The following SNRPB2 variants were observed in gnomAD, a reference collection of about 807,000 sequenced individuals.
SNRPB2 encodes the protein U2 small nuclear ribonucleoprotein B''.
In SNRPB2, 16 loss-of-function variants were observed where a neutral mutation model predicts 26.3. The ratio of observed to expected loss-of-function variants is 0.61; its 90% CI spans 0.41 to 0.92. The LOEUF (loss-of-function observed/expected upper bound fraction) is 0.92. Among genes scored for constraint, SNRPB2 ranks in the 40% least tolerant of loss-of-function variants. The pLI, the probability that SNRPB2 is intolerant of heterozygous loss-of-function variation, is 0.00. For synonymous variants in SNRPB2, 75 were observed against 89.0 expected (o/e 0.84, Z 0.88); for missense variants, 179 against 268.1 (o/e 0.67, Z 2.32).
In SNRPB2 at chr20:16,742,103, A is replaced by G. The variant is rs1194596603; in HGVS notation, c.*1098A>G. 1 of 152,248 alleles carries G rather than the reference A, an allele frequency of 6.6e-6. No individual in the cohort carries two copies. Among genetic ancestry groups the G allele is most frequent in the East Asian group, 1.9e-4 (1 of 5,202 alleles). 9.4% of individuals were successfully genotyped at this position (152,248 alleles called of 1,614,324 possible). On this transcript the variant is annotated 3_prime_UTR_variant, in exon 7 of 7. Transcript: ENST00000246071. ...AGTATCACATCACTCTTATGCATAC[A>G]TAAAGAGGAAAAAAATGTTTCCTAT...
intron 4 of SNRPB2, 50 bp from the exon 5 acceptor site, chr20:16,738,802 C>A: frequency 3.0e-6 from 3 of 986,042 alleles, no homozygotes; most frequent in Non-Finnish European, 4.9e-6. Flanking sequence ...ATACCTGCTG[C>A]GTTTTTGGAG....
rs1157610745 is a variant in SNRPB2 at position 16,731,655 on chromosome 20, CT to C, written c.-35-8del. The C allele has an allele frequency of 1.9e-6, 3 of 1,605,072 alleles. No individual in the cohort carries two copies. The highest frequency in any genetic ancestry group is 2.2e-5 in the East Asian group (1 of 44,664). On this transcript the variant is annotated splice_polypyrimidine_tract_variant and intron_variant, in intron 1 of 6. Coordinates refer to ENST00000246071, the MANE Select transcript of SNRPB2 (RefSeq NM_003092.5). ...ACAGTCCAGTATAATTTACTCCTTC[CT>C]TTTTATAACAGATTTTTTACTGTCT... is the stretch of plus-strand genomic sequence containing the variant.
chr20:16,738,533 A>T (rs531619626), intron 4 of SNRPB2, among the ~76,000 whole-genome samples: 1 of 151,888 alleles, frequency 6.6e-6, no homozygotes, highest in African/African-American at 2.4e-5. Flanking sequence ...TAAATGACTT[A>T]TGTCCAGTTG....
At chr20:16,735,023 A>T (rs946931116) in intron 3 of SNRPB2, among the ~76,000 whole-genome samples, 4 of 152,162 alleles carry the variant, frequency 2.6e-5, no homozygotes, top group African/African-American at 9.7e-5. Context: ...GCATGCAGGG[A>T]TAAGCACACT....
At chr20:16,735,940 A>T (rs2072423391) in intron 3 of SNRPB2, among the ~76,000 whole-genome samples, 1 of 152,226 alleles carries the variant, frequency 6.6e-6, no homozygotes, top group Non-Finnish European at 1.5e-5. Context: ...GCTGCGACAC[A>T]TGTCAATGCT....
At position 16,731,714 on chromosome 20, in the gene SNRPB2, AC is replaced by A; in HGVS notation, c.14del (p.Pro5GlnfsTer10). 1 of 1,612,206 alleles carries A rather than the reference AC, an allele frequency of 6.2e-7. No individual in the cohort carries two copies. Among genetic ancestry groups the A allele is most frequent in the South Asian group, 1.1e-5 (1 of 90,928 alleles). MDIR[P>X]NHTIYINNMN... ...AATTTAACACAAACATGGATATCAG[AC>A]CAAATCATACAATTTATATCAACAA... On this transcript the variant is annotated frameshift_variant, in exon 2 of 7. Transcript: ENST00000246071. LOFTEE classifies it high-confidence loss of function.
chr20:16,731,538 C>A, intron 1 of SNRPB2, 130 bp from the exon 2 acceptor site: 1 of 869,222 alleles, frequency 1.2e-6, no homozygotes, highest in Non-Finnish European at 1.7e-6. Flanking sequence ...GCTGGAGATA[C>A]AATAAAGGCT....
At chr20:16,734,628 G>T (rs1161839807) in intron 3 of SNRPB2, among the ~76,000 whole-genome samples, 1 of 152,190 alleles carries the variant, frequency 6.6e-6, no homozygotes, top group African/African-American at 2.4e-5. Flanking sequence ...TTTGAAATGA[G>T]TGAGTCTTTG....
chr20:16,737,435 GGT>G (rs774554933), intron 4 of SNRPB2, 34 bp downstream of exon 4: 1 of 1,557,602 alleles, frequency 6.4e-7, no homozygotes, highest in Admixed American at 2.2e-5. Context: ...TGTTTGTATT[GGT>G]GTTAAAAACT....
chr20:16,737,034 A>T (rs78041430), intron 3 of SNRPB2, among the ~76,000 whole-genome samples: 1 of 152,212 alleles, frequency 6.6e-6, no homozygotes, highest in Non-Finnish European at 1.5e-5. Flanking sequence ...ATGAAAATAT[A>T]TGTTTTTTTA....
rs912092660 is a variant in SNRPB2 at position 16,741,018 on chromosome 20, T to C, written c.*13T>C. The C allele has an allele frequency of 6.3e-7, 1 of 1,583,690 alleles. No individual in the cohort carries two copies. The highest frequency in any genetic ancestry group is 8.6e-7 in the Non-Finnish European group (1 of 1,158,068). On this transcript the variant is annotated 3_prime_UTR_variant, in exon 7 of 7. Coordinates refer to ENST00000246071, the MANE Select transcript of SNRPB2 (RefSeq NM_003092.5). ...TGCCAAGAAATAACATTTGGGATAG[T>C]CGTCTTTAAAAGACTTGGTGTTATT... is the stretch of plus-strand genomic sequence containing the variant.
intron 3 of SNRPB2, among the ~76,000 whole-genome samples, chr20:16,734,138 T>C (rs977337563): frequency 6.6e-6 from 1 of 152,238 alleles, no homozygotes; most frequent in Admixed American, 6.5e-5. Flanking sequence ...GGAAATTGTT[T>C]GCTGTGTTGG....
At chr20:16,736,649 G>A (rs749375379) in intron 3 of SNRPB2, among the ~76,000 whole-genome samples, 13 of 152,126 alleles carry the variant, frequency 8.5e-5, no homozygotes, top group Non-Finnish European at 1.6e-4. Context: ...CTAGAATGGC[G>A]ATTTTCTTTA....
At chr20:16,738,005 C>G (rs188296298) in intron 4 of SNRPB2, among the ~76,000 whole-genome samples, 191 of 146,396 alleles carry the variant, frequency 1.3e-3, no homozygotes, top group African/African-American at 4.6e-3. Context: ...TGCCACTGAA[C>G]TCCAGCCTGG....
intron 4 of SNRPB2, among the ~76,000 whole-genome samples, chr20:16,737,964 G>C (rs2072438192): frequency 6.6e-6 from 1 of 151,204 alleles, no homozygotes; most frequent in Non-Finnish European, 1.5e-5. Context: ...GCATGAACCT[G>C]GGAGGTGGAG....
chr20:16,740,197 G>A, intron 5 of SNRPB2, 128 bp from the exon 6 acceptor site: 1 of 1,474,842 alleles, frequency 6.8e-7, no homozygotes. Context: ...GTTACTGTAA[G>A]GTTTTGATTT....
At chr20:16,730,812 A>G (rs996953412) in intron 1 of SNRPB2, 6 of 152,268 alleles carry the variant, frequency 3.9e-5, no homozygotes, top group Non-Finnish European at 1.5e-5. Flanking sequence ...AGTGTGGTAT[A>G]TGAGGAAGAC....
intron 2 of SNRPB2, 85 bp from the exon 3 acceptor site, chr20:16,732,079 G>T (rs575163306): frequency 3.9e-6 from 3 of 777,794 alleles, no homozygotes; most frequent in South Asian, 3.5e-5. Context: ...AATGGTGGGG[G>T]GGGCAACTCA....
At chr20:16,736,421 C>T (rs1166640914) in intron 3 of SNRPB2, among the ~76,000 whole-genome samples, 1 of 152,074 alleles carries the variant, frequency 6.6e-6, no homozygotes, top group Non-Finnish European at 1.5e-5. Flanking sequence ...CAGAGCTGTA[C>T]ATCCAAAAAG....
Sources: gnomAD v4.1 joint callset for allele counts (sites outside exome capture counted in the v4.1 genomes callset) on GRCh38, gnomAD v4.1.1 for gene constraint, MANE v1.5 for transcripts, NCBI Gene and HGNC (gene_info 2026-07-23, HGNC 2026-07-21) for gene names.